Variants in KCNH8 observed in about 807,000 individuals in gnomAD.
KCNH8 encodes the protein voltage-gated delayed rectifier potassium channel KCNH8.
Under a neutral mutation model 103.6 loss-of-function variants are expected in KCNH8, and 70 were observed. The ratio of observed to expected loss-of-function variants is 0.68; its 90% CI spans 0.56 to 0.82. KCNH8 has a LOEUF of 0.82. KCNH8 is among the 40% of genes least tolerant of loss of function. The probability of loss-of-function intolerance (pLI) is 0.00; values close to 1 mark genes in which losing one functional copy is unlikely to be tolerated. For synonymous variants in KCNH8, 498 were observed against 489.4 expected (o/e 1.02, Z -0.23); for missense variants, 1,217 against 1,329.9 (o/e 0.92, Z 1.32).
intron 3 of KCNH8, among the ~76,000 whole-genome samples, chr3:19,335,739 T>C (rs2065575415): frequency 6.6e-6 from 1 of 151,696 alleles, no homozygotes. Flanking sequence ...ATTCAAAATT[T>C]TTACTACTTT....
chr3:19,511,778 A>G (rs545607993), intron 12 of KCNH8, among the ~76,000 whole-genome samples: 7 of 152,182 alleles, frequency 4.6e-5, no homozygotes, highest in African/African-American at 1.4e-4. Context: ...TTTTGAGCCA[A>G]TAAGATTAAA....
intron 1 of KCNH8, among the ~76,000 whole-genome samples, chr3:19,211,210 A>G (rs1253696499): frequency 6.6e-6 from 1 of 152,206 alleles, no homozygotes; most frequent in African/African-American, 2.4e-5. Flanking sequence ...AACATATACA[A>G]TGATAAAAAT....
chr3:19,521,173 G>A (rs973407489), intron 15 of KCNH8, among the ~76,000 whole-genome samples: 1 of 151,984 alleles, frequency 6.6e-6, no homozygotes, highest in Non-Finnish European at 1.5e-5. Context: ...TCTCATTTCT[G>A]AAATCTGGCT....
intron 5 of KCNH8, among the ~76,000 whole-genome samples, chr3:19,354,519 G>C: frequency 6.6e-6 from 1 of 152,104 alleles, no homozygotes. Flanking sequence ...CATGGTACTG[G>C]TACCAAAACA....
chr3:19,382,472 C>T (rs919096987), intron 5 of KCNH8, among the ~76,000 whole-genome samples: 6 of 152,164 alleles, frequency 3.9e-5, no homozygotes, highest in African/African-American at 1.4e-4. Flanking sequence ...CAATTCCTCT[C>T]ACAAAGTAAA....
At chr3:19,176,777 T>A (rs2063403859) in intron 1 of KCNH8, among the ~76,000 whole-genome samples, 1 of 152,180 alleles carries the variant, frequency 6.6e-6, no homozygotes. Context: ...TTCTCATTAT[T>A]TGTGTTAGTT....
chr3:19,450,613 G>A, intron 9 of KCNH8: 25 of 331,026 alleles, frequency 7.6e-5, no homozygotes, highest in South Asian at 3.1e-4. Flanking sequence ...GTGTAATCTG[G>A]GATAATTATA....
chr3:19,154,684 G>T (rs2063163454), intron 1 of KCNH8, among the ~76,000 whole-genome samples: 1 of 152,188 alleles, frequency 6.6e-6, no homozygotes, highest in Non-Finnish European at 1.5e-5. Context: ...GGAAGTGATA[G>T]ATTTATTTCT....
chr3:19,472,031 T>A (rs2067869549), intron 11 of KCNH8, among the ~76,000 whole-genome samples: 2 of 152,230 alleles, frequency 1.3e-5, no homozygotes. Context: ...AAATGAATTA[T>A]AAGAATTCTA....
chr3:19,356,193 G>A (rs762568951), intron 5 of KCNH8, among the ~76,000 whole-genome samples: 1 of 151,942 alleles, frequency 6.6e-6, no homozygotes, highest in Non-Finnish European at 1.5e-5. Flanking sequence ...AATTTTGGGA[G>A]ATGATATATC....
chr3:19,322,028 A>G (rs1251241602), intron 3 of KCNH8, among the ~76,000 whole-genome samples: 4 of 151,858 alleles, frequency 2.6e-5, no homozygotes, highest in Non-Finnish European at 4.4e-5. Flanking sequence ...TTTGGTGTCC[A>G]TTTTCATAGA....
chr3:19,355,008 C>G (rs1197669551), intron 5 of KCNH8, among the ~76,000 whole-genome samples: 1 of 152,154 alleles, frequency 6.6e-6, no homozygotes, highest in Non-Finnish European at 1.5e-5. Context: ...TATCCAGAAT[C>G]TACAAGAAAC....
At chr3:19,413,131 A>G (rs2066807456) in intron 7 of KCNH8, among the ~76,000 whole-genome samples, 1 of 117,824 alleles carries the variant, frequency 8.5e-6, no homozygotes, top group South Asian at 2.7e-4. Flanking sequence ...GGTGCCTATC[A>G]GCGGTGGATT....
chr3:19,314,864 A>T (rs1254083834), intron 3 of KCNH8: 1 of 154,166 alleles, frequency 6.5e-6, no homozygotes, highest in Non-Finnish European at 1.5e-5. Flanking sequence ...CTGGACATTG[A>T]CTGCACATAA....
chr3:19,449,291 CATATATAT>C (rs71055066), intron 8 of KCNH8, among the ~76,000 whole-genome samples: 6,132 of 140,144 alleles, frequency 0.044, 285 homozygotes, highest in East Asian at 0.23. Context: ...ACAAGAGTCC[CATATATAT>C]ATATATATAT....
chr3:19,508,341 T>C (rs1035123226), intron 11 of KCNH8, among the ~76,000 whole-genome samples: 1 of 152,068 alleles, frequency 6.6e-6, no homozygotes, highest in Non-Finnish European at 1.5e-5. Context: ...GGAAGAAAAA[T>C]ATATTGCATG....
At chr3:19,429,342 T>A (rs2067083467) in intron 7 of KCNH8, among the ~76,000 whole-genome samples, 1 of 151,798 alleles carries the variant, frequency 6.6e-6, no homozygotes, top group Non-Finnish European at 1.5e-5. Flanking sequence ...TCCGGCTAAT[T>A]TTTTTGTATT....
At chr3:19,360,706 C>T (rs1372518940) in intron 5 of KCNH8, among the ~76,000 whole-genome samples, 1 of 152,008 alleles carries the variant, frequency 6.6e-6, no homozygotes, top group African/African-American at 2.4e-5. Flanking sequence ...TTATATATCT[C>T]TGATACTGTA....
intron 11 of KCNH8, among the ~76,000 whole-genome samples, chr3:19,492,404 T>G (rs2068342345): frequency 6.6e-6 from 1 of 152,216 alleles, no homozygotes; most frequent in South Asian, 2.1e-4. Context: ...GCTATCCAGT[T>G]ATCCCAGCAC....
Sources: allele counts gnomAD v4.1 joint callset (sites outside exome capture counted in the v4.1 genomes callset), GRCh38; gene constraint gnomAD v4.1.1; transcripts MANE v1.5; gene names NCBI Gene and HGNC (gene_info 2026-07-23, HGNC 2026-07-21).